Variants in SGCZ observed in about 807,000 individuals in gnomAD.
SGCZ encodes zeta-sarcoglycan.
A neutral mutation model predicts 41.3 loss-of-function variants in SGCZ; 40 were observed. The ratio of observed to expected loss-of-function variants is 0.97; its 90% confidence interval spans 0.75 to 1.26. The LOEUF (loss-of-function observed/expected upper bound fraction) is 1.26, where lower values mean the gene tolerates loss of function less well. Ranked by LOEUF, SGCZ falls within the 50% of genes most tolerant of loss-of-function variation. The pLI is 0.00. For synonymous variants in SGCZ, 206 were observed against 137.5 expected (o/e 1.50, Z -3.49); for missense variants, 552 against 369.8 (o/e 1.49, Z -4.04).
chr8:14,189,717 A>G (rs1805029214), intron 4 of SGCZ, among the ~76,000 whole-genome samples: 1 of 152,024 alleles, frequency 6.6e-6, no homozygotes, highest in Non-Finnish European at 1.5e-5. Context: ...ATCTGAAACA[A>G]TCCCATTCCT....
chr8:15,063,004 A>T (rs1209429897), intron 1 of SGCZ, among the ~76,000 whole-genome samples: 1 of 152,162 alleles, frequency 6.6e-6, no homozygotes, highest in Non-Finnish European at 1.5e-5. Context: ...CTCACAGTGT[A>T]CCTGAGGATG....
At chr8:14,325,683 T>C (rs1802070363) in intron 2 of SGCZ, among the ~76,000 whole-genome samples, 1 of 138,724 alleles carries the variant, frequency 7.2e-6, no homozygotes, top group Non-Finnish European at 1.6e-5. Flanking sequence ...TATAGGACAA[T>C]ACATAATCAT....
intron 2 of SGCZ, among the ~76,000 whole-genome samples, chr8:14,530,292 A>G (rs1032702069): frequency 6.6e-6 from 1 of 152,064 alleles, no homozygotes; most frequent in Non-Finnish European, 1.5e-5. Context: ...AATATAAGTG[A>G]TCTTATATGA....
rs76620791 is a variant in SGCZ at position 14,627,955 on chromosome 8, T to C, written c.40-73029A>G. 7.0e-4 allele frequency among the ~76,000 whole-genome samples: 107 copies of C among 152,196 alleles called. 1 individual carries two copies. The East Asian group carries it at 0.019, about 27-fold the overall frequency. On this transcript the variant is annotated intron_variant, in intron 1 of 7. Coordinates refer to ENST00000382080, the MANE Select transcript of SGCZ (RefSeq NM_139167.4). The stretch of plus-strand genomic sequence containing the variant: ...ATAATTTTAAGCTTCAGCTACATGT[T>C]TGGAGGATGTGAAGAATCTTTGATA...
At chr8:14,802,631 A>T (rs1204400511) in intron 1 of SGCZ, among the ~76,000 whole-genome samples, 1 of 152,234 alleles carries the variant, frequency 6.6e-6, no homozygotes, top group Non-Finnish European at 1.5e-5. Context: ...AGAGAAACAC[A>T]CAAATATATA....
At chr8:14,726,315 T>TAC (rs1810052568) in intron 1 of SGCZ, among the ~76,000 whole-genome samples, 1 of 123,140 alleles carries the variant, frequency 8.1e-6, no homozygotes, top group Admixed American at 8.2e-5. Flanking sequence ...TAAATACATA[T>TAC]ATATATATCT....
At chr8:14,143,610 C>G (rs533030683) in intron 5 of SGCZ, among the ~76,000 whole-genome samples, 3 of 152,230 alleles carry the variant, frequency 2.0e-5, no homozygotes, top group Non-Finnish European at 4.4e-5. Flanking sequence ...CCAATCATCC[C>G]CTACTGCAAG....
At position 14,397,559 on chromosome 8, in the gene SGCZ, T is replaced by C. The variant is rs1798954932; in HGVS notation, c.235-73355A>G. On this transcript the variant is annotated intron_variant, in intron 2 of 7. Transcript: ENST00000382080. Reference sequence around the variant, plus strand: ...CTGTACACAAAAGCCAGCAATATTATTGCATATAATACATGGTAAAGCAGT... The same window carrying C: ...CTGTACACAAAAGCCAGCAATATTACTGCATATAATACATGGTAAAGCAGT... Among the ~76,000 whole-genome samples, 3 of 152,264 alleles carry C rather than the reference T, an allele frequency of 2.0e-5. No homozygotes were observed. The South Asian group carries it at 6.2e-4, about 32-fold the overall frequency.
chr8:14,366,505 G>A (rs1425840462), intron 2 of SGCZ, among the ~76,000 whole-genome samples: 1 of 151,966 alleles, frequency 6.6e-6, no homozygotes, highest in Non-Finnish European at 1.5e-5. Flanking sequence ...TTTGGTGGGG[G>A]GGACACAAAG....
At chr8:14,468,490 A>G (rs1801114810) in intron 2 of SGCZ, among the ~76,000 whole-genome samples, 1 of 152,090 alleles carries the variant, frequency 6.6e-6, no homozygotes, top group Admixed American at 6.6e-5. Context: ...TAGCTGTTTC[A>G]TACATGTCTG....
chr8:15,224,384 A>C (rs1801702853), intron 1 of SGCZ, among the ~76,000 whole-genome samples: 1 of 152,188 alleles, frequency 6.6e-6, no homozygotes, highest in Admixed American at 6.5e-5. Flanking sequence ...TAATACTTTT[A>C]ATATCCTAAG....
At chr8:14,558,406 C>G (rs1804098052) in intron 1 of SGCZ, among the ~76,000 whole-genome samples, 1 of 152,074 alleles carries the variant, frequency 6.6e-6, no homozygotes, top group South Asian at 2.1e-4. Flanking sequence ...AAAATCCCAT[C>G]TCTACCAAAA....
chr8:14,452,243 G>C (rs1402712853), intron 2 of SGCZ, among the ~76,000 whole-genome samples: 3 of 152,042 alleles, frequency 2.0e-5, no homozygotes, highest in African/African-American at 7.2e-5. Flanking sequence ...TCAACTATAT[G>C]ACATTCTGGG....
chr8:15,072,700 C>G (rs1805398932), intron 1 of SGCZ, among the ~76,000 whole-genome samples: 1 of 151,984 alleles, frequency 6.6e-6, no homozygotes, highest in African/African-American at 2.4e-5. Flanking sequence ...AAATAGAAAA[C>G]CTAGGCCTCC....
chr8:14,253,849 G>C (rs1040421752), intron 3 of SGCZ, among the ~76,000 whole-genome samples: 5 of 152,078 alleles, frequency 3.3e-5, no homozygotes, highest in Non-Finnish European at 4.4e-5. Context: ...TTCTCTCAAA[G>C]TGTGAACCTT....
At chr8:14,485,688 A>G (rs1258936577) in intron 2 of SGCZ, among the ~76,000 whole-genome samples, 2 of 152,192 alleles carry the variant, frequency 1.3e-5, no homozygotes, top group African/African-American at 4.8e-5. Flanking sequence ...ACAGAAGCTT[A>G]TATCTGAAAG....
chr8:14,192,935 T>C (rs1246903012), intron 4 of SGCZ, among the ~76,000 whole-genome samples: 2 of 152,086 alleles, frequency 1.3e-5, no homozygotes, highest in African/African-American at 4.8e-5. Flanking sequence ...TGTCCGTGTA[T>C]ATTCAAAGGT....
intron 1 of SGCZ, among the ~76,000 whole-genome samples, chr8:14,792,064 C>T (rs1210041159): frequency 6.6e-6 from 1 of 152,116 alleles, no homozygotes; most frequent in East Asian, 1.9e-4. Flanking sequence ...TGCCAATAAA[C>T]AGGAAACACT....
At chr8:14,793,660 T>C (rs1343938555) in intron 1 of SGCZ, among the ~76,000 whole-genome samples, 1 of 151,990 alleles carries the variant, frequency 6.6e-6, no homozygotes, top group African/African-American at 2.4e-5. Flanking sequence ...GAATTTGGGG[T>C]AAAGGGGATT....
Sources: allele counts gnomAD v4.1 joint callset (sites outside exome capture counted in the v4.1 genomes callset), GRCh38; gene constraint gnomAD v4.1.1; transcripts MANE v1.5; gene names NCBI Gene and HGNC (gene_info 2026-07-23, HGNC 2026-07-21).